Variants in NAA16 observed in about 807,000 individuals in gnomAD.
NAA16 encodes the protein N-alpha-acetyltransferase 16, NatA auxiliary subunit, also known as NARG1-like protein.
Under a neutral mutation model 110.3 loss-of-function variants are expected in NAA16, and 97 were observed. The observed-to-expected ratio is 0.88, with a 90% CI of 0.75 to 1.04. The LOEUF is 1.04. Among genes scored for constraint, NAA16 ranks in the 50% least tolerant of loss-of-function variants. The pLI is 0.00. For missense variants in NAA16, 1,017 were observed against 1,005.1 expected, an observed-to-expected ratio of 1.01 and a Z score of -0.16; for synonymous variants, 372 against 330.6, an observed-to-expected ratio of 1.13 and a Z score of -1.36.
chr13:41,346,287 C>T (rs2042679063), intron 9 of NAA16, among the ~76,000 whole-genome samples: 2 of 152,214 alleles, frequency 1.3e-5, no homozygotes, highest in African/African-American at 4.8e-5. Context: ...AAAGATTAAC[C>T]ATAAATGCGA....
Position 41,375,687 on chromosome 13 carries a change from T to A in NAA16, c.*85T>A. 1 of 989,816 alleles carries A rather than the reference T, an allele frequency of 1.0e-6. No individual in the cohort carries two copies. Among genetic ancestry groups the A allele is most frequent in the Non-Finnish European group, 1.5e-6 (1 of 674,978 alleles). 61.3% of individuals were successfully genotyped at this position (989,816 alleles called of 1,614,324 possible). The stretch of plus-strand genomic sequence containing the variant: ...TCCAGGGTGCATTTTAATATACGTA[T>A]GAAATGAAATATTTGGTTAGGATTT... On this transcript the variant is annotated 3_prime_UTR_variant, in exon 20 of 20. Transcript: ENST00000379406.
At chr13:41,369,495 T>C (rs1226928635) in intron 15 of NAA16, among the ~76,000 whole-genome samples, 1 of 152,174 alleles carries the variant, frequency 6.6e-6, no homozygotes, top group Admixed American at 6.5e-5. Context: ...GGCAGAGTAA[T>C]GGCCCTGCAA....
Position 41,336,680 on chromosome 13 carries a change from TC to T in NAA16, c.940del (p.Leu314Ter). On this transcript the variant is annotated frameshift_variant, in exon 9 of 20. Transcript: ENST00000379406. LOFTEE classifies it high-confidence loss of function. Reference protein sequence around the residue: ...GERFRELMDKFLRVNFSKGCP... With the variant: ...GERFRELMDKXLRVNFSKGCP... ...AGATTTAGAGAACTAATGGATAAGT[TC>T]CTGAGGGTTAACTTCAGTAAAGGCT... 6.2e-7 allele frequency: 1 copy of T among 1,608,040 alleles called. No homozygotes were observed. The highest frequency in any genetic ancestry group is 8.5e-7 in the Non-Finnish European group (1 of 1,176,656).
intron 9 of NAA16, among the ~76,000 whole-genome samples, chr13:41,342,490 C>T (rs2042579148): frequency 6.6e-6 from 1 of 152,164 alleles, no homozygotes; most frequent in South Asian, 2.1e-4. Context: ...AAAATAGTGT[C>T]CATTTCTTCT....
chr13:41,346,446 A>G (rs1002593137), intron 9 of NAA16, among the ~76,000 whole-genome samples: 2 of 152,248 alleles, frequency 1.3e-5, no homozygotes, highest in African/African-American at 2.4e-5. Context: ...TTTATCACAC[A>G]GGTCCTAGAG....
rs1329494615 is a variant in NAA16 at position 41,329,011 on chromosome 13, ACTTAAGT to A, written c.811+169_811+175del. Among the ~76,000 whole-genome samples the A allele has an allele frequency of 3.3e-5, 5 of 152,186 alleles. No individual in the cohort carries two copies. The East Asian group carries it at 9.6e-4, about 29-fold the overall frequency. On this transcript the variant is annotated intron_variant, in intron 7 of 19. Transcript: ENST00000379406. ...AGTAAAAATGAATTCAAATAGTTAC[ACTTAAGT>A]GTAAGTGATTGCAGATATGTTAGGT...
chr13:41,339,819 A>G (rs976601261), intron 9 of NAA16, among the ~76,000 whole-genome samples: 4 of 152,100 alleles, frequency 2.6e-5, no homozygotes, highest in African/African-American at 7.2e-5. Context: ...TTGGCCTCCT[A>G]AAGTGCTGGG....
At position 41,320,522 on chromosome 13, in the gene NAA16, C is replaced by T. The variant is rs1329460608; in HGVS notation, c.245-145C>T. 8.4e-6 allele frequency: 6 copies of T among 710,776 alleles called. No homozygotes were observed. The Admixed American group carries it at 2.3e-4, about 27-fold the overall frequency. The allele number at this position is 710,776 out of a possible 1,614,324, so 44.0% of individuals were successfully genotyped here. A position where few individuals can be genotyped will look rare whatever the true frequency, so the allele number is the denominator to read the frequency against. On this transcript the variant is annotated intron_variant, in intron 3 of 19. Coordinates refer to ENST00000379406, the MANE Select transcript of NAA16 (RefSeq NM_024561.5). ...TGCTCTGGTTTCGTCTTTAACTTCCCCTCACCATTCCCCTCCCCCAGACTC... is the reference window on the plus strand; with the variant it reads ...TGCTCTGGTTTCGTCTTTAACTTCCTCTCACCATTCCCCTCCCCCAGACTC...
intron 9 of NAA16, among the ~76,000 whole-genome samples, chr13:41,341,228 A>G (rs1447527857): frequency 6.6e-6 from 1 of 152,208 alleles, no homozygotes; most frequent in Non-Finnish European, 1.5e-5. Context: ...TGTATATAGC[A>G]TAGAGATTTC....
At chr13:41,336,259 GGAATGAATGAAT>G (rs991117536) in intron 8 of NAA16, among the ~76,000 whole-genome samples, 1 of 151,904 alleles carries the variant, frequency 6.6e-6, no homozygotes, top group Non-Finnish European at 1.5e-5. Flanking sequence ...ACATTATTGT[GGAATGAATGAAT>G]GAATGAATGA....
chr13:41,324,344 G>A (rs1484039929), intron 5 of NAA16, among the ~76,000 whole-genome samples: 1 of 125,370 alleles, frequency 8.0e-6, no homozygotes, highest in Non-Finnish European at 1.7e-5. Context: ...AGATTTAGGT[G>A]TTTGCAATTT....
chr13:41,369,822 C>A (rs529837711), intron 15 of NAA16, among the ~76,000 whole-genome samples: 1 of 152,156 alleles, frequency 6.6e-6, no homozygotes, highest in Non-Finnish European at 1.5e-5. Context: ...ATTCCCCCTT[C>A]GAATCTCCAA....
chr13:41,325,944 T>C (rs893963148), intron 6 of NAA16, 93 bp downstream of exon 6: 4 of 1,011,772 alleles, frequency 4.0e-6, no homozygotes, highest in Non-Finnish European at 2.8e-6. Context: ...ACAGTTGTTA[T>C]GTATCTGGCA....
intron 15 of NAA16, among the ~76,000 whole-genome samples, chr13:41,371,778 G>A (rs185966559): frequency 2.8e-4 from 42 of 152,278 alleles, no homozygotes; most frequent in Non-Finnish European, 5.9e-4. Context: ...GGGTGGGTCA[G>A]CTCCCCTAAT....
At chr13:41,326,261 T>C (rs1272812549) in intron 6 of NAA16, among the ~76,000 whole-genome samples, 1 of 152,182 alleles carries the variant, frequency 6.6e-6, no homozygotes, top group African/African-American at 2.4e-5. Flanking sequence ...TTATTTTCAT[T>C]ATGGGCTAAT....
Position 41,362,148 on chromosome 13 carries a change from G to A in NAA16, c.1528G>A (p.Glu510Lys). 1 of 1,603,692 alleles carries A rather than the reference G, an allele frequency of 6.2e-7. No homozygotes were observed. Among genetic ancestry groups the A allele is most frequent in the South Asian group, 1.1e-5 (1 of 88,780 alleles). ...RYGDALKKCH[E>K]VERHFFEITD... ...CGGGGATGCCTTGAAAAAATGTCAT[G>A]AAGTAGAAAGGGTAAGTTGTTAGAA... Residue 510 changes from glutamate to lysine, a missense_variant, in exon 13 of 20, where the codon GAA becomes AAA. Coordinates refer to ENST00000379406, the MANE Select transcript of NAA16 (RefSeq NM_024561.5).
At chr13:41,374,630 G>T in intron 18 of NAA16, 112 bp from the exon 19 acceptor site, 1 of 683,368 alleles carries the variant, frequency 1.5e-6, no homozygotes. Context: ...GCCAGCTCCA[G>T]CTTACCACTG....
At chr13:41,325,561 C>A in intron 5 of NAA16, 137 bp from the exon 6 acceptor site, 1 of 430,506 alleles carries the variant, frequency 2.3e-6, no homozygotes. Context: ...TGTTATTAAT[C>A]ACTCTTCTGT....
intron 9 of NAA16, among the ~76,000 whole-genome samples, chr13:41,338,092 G>A (rs1281504067): frequency 6.6e-6 from 1 of 152,198 alleles, no homozygotes; most frequent in Non-Finnish European, 1.5e-5. Context: ...CCCGGTGCCT[G>A]CCAATAATTT....
Sources: allele counts gnomAD v4.1 joint callset (sites outside exome capture counted in the v4.1 genomes callset), GRCh38; gene constraint gnomAD v4.1.1; transcripts MANE v1.5; gene names NCBI Gene and HGNC (gene_info 2026-07-23, HGNC 2026-07-21).